Variants in ESRRG observed in about 807,000 individuals in gnomAD.
The protein encoded by ESRRG is estrogen-related receptor gamma.
In ESRRG, 13 loss-of-function variants were observed where a neutral mutation model predicts 44.0. The ratio of observed to expected loss-of-function variants is 0.30; its 90% CI spans 0.19 to 0.47. The LOEUF (loss-of-function observed/expected upper bound fraction) is 0.47. Among genes scored for constraint, ESRRG ranks in the 20% least tolerant of loss-of-function variants. The probability of loss-of-function intolerance (pLI) is 1.00; values close to 1 mark genes in which losing one functional copy is unlikely to be tolerated. For missense variants in ESRRG, 395 were observed against 580.6 expected (o/e 0.68, Z 3.29); for synonymous variants, 215 against 214.6 (o/e 1.00, Z -0.02).
chr1:216,718,710 T>C (rs1421404088), intron 1 of ESRRG, among the ~76,000 whole-genome samples: 1 of 152,028 alleles, frequency 6.6e-6, no homozygotes, highest in African/African-American at 2.4e-5. Flanking sequence ...TGGGCCAGTG[T>C]AATCAAAGAT....
At chr1:216,738,650 G>A (rs2090281674) in intron 2 of ESRRG, among the ~76,000 whole-genome samples, 1 of 152,108 alleles carries the variant, frequency 6.6e-6, no homozygotes, top group Non-Finnish European at 1.5e-5. Flanking sequence ...AGTGGATTAA[G>A]TAGGGGAAAA....
At chr1:216,900,601 A>G (rs2058962184) in intron 2 of ESRRG, among the ~76,000 whole-genome samples, 1 of 152,276 alleles carries the variant, frequency 6.6e-6, no homozygotes, top group South Asian at 2.1e-4. Flanking sequence ...TATGTGCCAT[A>G]TTACCTCAAA....
Position 216,637,777 on chromosome 1 carries a change from T to A in ESRRG, c.589+13196A>T, listed in dbSNP as rs561702944. ...TCAAAACCAACATTATTCCTCATGT[T>A]TTTTTTTTCTCCTTTTTTTGGATAC... On this transcript the variant is annotated intron_variant, in intron 3 of 6. Transcript: ENST00000408911. 5.9e-5 allele frequency among the ~76,000 whole-genome samples: 9 copies of A among 151,682 alleles called. No homozygotes were observed. In the East Asian group the frequency reaches 1.5e-3, roughly 26 times the overall value.
chr1:217,070,584 T>A (rs533499250), intron 1 of ESRRG, among the ~76,000 whole-genome samples: 2 of 152,210 alleles, frequency 1.3e-5, no homozygotes, highest in South Asian at 4.1e-4. Context: ...TTTCACCACA[T>A]TGGCCAGGTT....
chr1:216,824,290 A>G (rs2095353057), intron 2 of ESRRG, among the ~76,000 whole-genome samples: 1 of 152,056 alleles, frequency 6.6e-6, no homozygotes, highest in Non-Finnish European at 1.5e-5. Flanking sequence ...CTACTAAAAT[A>G]CAGACATTAG....
At chr1:217,121,216 T>C (rs1164764265) in intron 1 of ESRRG, among the ~76,000 whole-genome samples, 1 of 151,718 alleles carries the variant, frequency 6.6e-6, no homozygotes, top group African/African-American at 2.4e-5. Context: ...CTGAAATCGC[T>C]CAGTATAACC....
intron 2 of ESRRG, among the ~76,000 whole-genome samples, chr1:216,894,213 T>C (rs112050092): frequency 1.6e-4 from 24 of 152,218 alleles, no homozygotes; most frequent in African/African-American, 5.3e-4. Flanking sequence ...TAACTATGGG[T>C]CAGATCAGGA....
chr1:216,785,435 G>C (rs1338748189), intron 2 of ESRRG, among the ~76,000 whole-genome samples: 1 of 152,050 alleles, frequency 6.6e-6, no homozygotes, highest in Non-Finnish European at 1.5e-5. Flanking sequence ...ATGGTGGTCA[G>C]TATTCTAGAC....
intron 6 of ESRRG, among the ~76,000 whole-genome samples, chr1:216,511,753 G>C (rs953527056): frequency 3.3e-5 from 5 of 152,150 alleles, no homozygotes; most frequent in African/African-American, 1.2e-4. Context: ...ACACCGAATA[G>C]AAAGGATATT....
At chr1:216,547,591 A>G (rs755528350) in intron 5 of ESRRG, among the ~76,000 whole-genome samples, 1 of 152,120 alleles carries the variant, frequency 6.6e-6, no homozygotes, top group Non-Finnish European at 1.5e-5. Context: ...GTGTGTTAAT[A>G]CATTTCATAC....
chr1:216,667,834 C>T (rs1427334453), intron 2 of ESRRG, among the ~76,000 whole-genome samples: 1 of 151,774 alleles, frequency 6.6e-6, no homozygotes, highest in African/African-American at 2.4e-5. Context: ...CGCGGTGGCT[C>T]ACGCTAATCC....
In ESRRG at chr1:216,556,276, G is replaced by A. The variant is rs2057548757; in HGVS notation, c.862+7943C>T. 3.3e-5 allele frequency among the ~76,000 whole-genome samples: 5 copies of A among 152,076 alleles called. No individual in the cohort carries two copies. In the South Asian group the frequency reaches 1.0e-3, roughly 32 times the overall value. On this transcript the variant is annotated intron_variant, in intron 5 of 6. Transcript: ENST00000408911. The stretch of plus-strand genomic sequence containing the variant: ...CAGGTCTATAGGATATTGATGTTTT[G>A]ATAATCCTCAGGTAAGTTTCAGGAA...
At chr1:216,802,617 G>A in intron 2 of ESRRG, among the ~76,000 whole-genome samples, 1 of 152,120 alleles carries the variant, frequency 6.6e-6, no homozygotes, top group East Asian at 1.9e-4. Context: ...GGGCACTTCT[G>A]AGCATGGGGC....
intron 2 of ESRRG, among the ~76,000 whole-genome samples, chr1:216,938,262 A>G (rs1019580722): frequency 6.6e-6 from 1 of 152,218 alleles, no homozygotes; most frequent in East Asian, 1.9e-4. Flanking sequence ...TGGCATAGTA[A>G]GCATGAATTT....
chr1:216,973,440 T>G (rs965824469), intron 1 of ESRRG, among the ~76,000 whole-genome samples: 3 of 152,128 alleles, frequency 2.0e-5, no homozygotes, highest in Non-Finnish European at 4.4e-5. Context: ...CTCCCAGACA[T>G]CTACACAACC....
At chr1:216,912,568 C>G (rs72741425) in intron 2 of ESRRG, among the ~76,000 whole-genome samples, 2 of 152,070 alleles carry the variant, frequency 1.3e-5, no homozygotes, top group Non-Finnish European at 2.9e-5. Context: ...CCTCCCCAAA[C>G]ACATTTGTGA....
chr1:216,705,205 T>G (rs2082211041), intron 1 of ESRRG, among the ~76,000 whole-genome samples: 2 of 152,136 alleles, frequency 1.3e-5, no homozygotes, highest in Non-Finnish European at 2.9e-5. Context: ...TTTTAAGACT[T>G]TCATTTAATA....
chr1:216,504,192 T>C lies in ESRRG; in HGVS notation c.*2747A>G, dbSNP rs2148674119. 6.6e-6 allele frequency: 1 copy of C among 152,298 alleles called. No homozygotes were observed. Among genetic ancestry groups the C allele is most frequent in the South Asian group, 2.1e-4 (1 of 4,826 alleles). The allele number at this position is 152,298 out of a possible 1,614,324, so 9.4% of individuals were successfully genotyped here. On this transcript the variant is annotated 3_prime_UTR_variant, in exon 7 of 7. Transcript: ENST00000408911. ...AATGTGATACAGTGAAAACAATGTA[T>C]ATATTGTATATATTTTATTTATATA...
At chr1:216,707,531 C>G (rs943690331) in intron 1 of ESRRG, 1 of 1,502,534 alleles carries the variant, frequency 6.7e-7, no homozygotes, top group African/African-American at 1.4e-5. Flanking sequence ...TTGCAATTTG[C>G]TGAAGTTTTA....
Sources: gnomAD v4.1 joint callset for allele counts (sites outside exome capture counted in the v4.1 genomes callset) on GRCh38, gnomAD v4.1.1 for gene constraint, MANE v1.5 for transcripts, NCBI Gene and HGNC (gene_info 2026-07-23, HGNC 2026-07-21) for gene names.